The following SYT17 variants were observed in gnomAD, a reference collection of about 807,000 sequenced individuals.
SYT17 encodes the protein synaptotagmin 17.
A neutral mutation model predicts 46.7 loss-of-function variants in SYT17; 22 were observed. The ratio of observed to expected loss-of-function variants is 0.47; its 90% CI spans 0.34 to 0.67. SYT17 has a LOEUF of 0.67. SYT17 is among the 30% of genes least tolerant of loss of function. The probability of loss-of-function intolerance (pLI) is 0.01; values close to 1 mark genes in which losing one functional copy is unlikely to be tolerated. For synonymous variants in SYT17, 251 were observed against 248.4 expected, an observed-to-expected ratio of 1.01 and a Z score of -0.10; for missense variants, 519 against 612.8, an observed-to-expected ratio of 0.85 and a Z score of 1.62.
chr16:19,173,092 G>A (rs981096832), intron 2 of SYT17: 10 of 555,798 alleles, frequency 1.8e-5, no homozygotes, highest in African/African-American at 1.1e-4. Context: ...ATTGTGTTTC[G>A]AACATATCGT....
Position 19,200,153 on chromosome 16 carries a change from A to T in SYT17, c.951+16006A>T, listed in dbSNP as rs1389027992. Among the ~76,000 whole-genome samples, 3 of 152,362 alleles carry T rather than the reference A, an allele frequency of 2.0e-5. No individual in the cohort carries two copies. In the East Asian group the frequency reaches 5.8e-4, roughly 29 times the overall value. On this transcript the variant is annotated intron_variant, in intron 5 of 7. Transcript: ENST00000355377. ...AAAAGAGGTGAATCACCAAGGCCTC[A>T]GGTTAGCTCTGGGAATCTCTAGACT...
chr16:19,205,973 G>A (rs937186784), intron 5 of SYT17, among the ~76,000 whole-genome samples: 4 of 151,784 alleles, frequency 2.6e-5, no homozygotes, highest in African/African-American at 9.7e-5. Context: ...CATAATACAT[G>A]TTCAATAAAT....
chr16:19,212,802 T>C lies in SYT17; in HGVS notation c.952-10243T>C, dbSNP rs575845980. On this transcript the variant is annotated intron_variant, in intron 5 of 7. Coordinates refer to ENST00000355377, the MANE Select transcript of SYT17 (RefSeq NM_016524.4). Reference sequence around the variant, plus strand: ...GATCCTACCAGAACAAGCAATCCATTTTCCTTGGGAGGGCTGAACCCACTT... The same window carrying C: ...GATCCTACCAGAACAAGCAATCCATCTTCCTTGGGAGGGCTGAACCCACTT... Among the ~76,000 whole-genome samples the C allele has an allele frequency of 2.6e-5, 4 of 152,334 alleles. No homozygotes were observed. In the South Asian group the frequency reaches 8.3e-4, roughly 32 times the overall value.
intron 5 of SYT17, among the ~76,000 whole-genome samples, chr16:19,190,810 CATATT>C (rs1374292495): frequency 1.6e-5 from 2 of 123,032 alleles, no homozygotes; most frequent in Non-Finnish European, 3.4e-5. Flanking sequence ...GTGTGTGTGT[CATATT>C]TTGTTGATTC....
At chr16:19,261,370 G>T (rs1968961817) in intron 7 of SYT17, among the ~76,000 whole-genome samples, 1 of 152,190 alleles carries the variant, frequency 6.6e-6, no homozygotes, top group Non-Finnish European at 1.5e-5. Flanking sequence ...GATGGCCATG[G>T]CAGGAACTGC....
intron 5 of SYT17, among the ~76,000 whole-genome samples, chr16:19,214,668 A>G (rs1966025559): frequency 6.6e-6 from 1 of 152,212 alleles, no homozygotes; most frequent in Admixed American, 6.5e-5. Flanking sequence ...TCTGGGGCAG[A>G]GACCCTGAGT....
rs1206570626 is a variant in SYT17 at position 19,173,506 on chromosome 16, C to A, written c.110C>A (p.Ser37Tyr). The change falls in exon 3 of 8, where the codon TCC (serine) becomes TAC (tyrosine). Residue 37 changes from serine to tyrosine, a missense_variant. By Grantham distance (144) the Ser-to-Tyr change is moderately radical. Transcript: ENST00000355377. ...CACTGCTGTCAGAAGTGCTACGAGTCCAGCTGTTGCCAGTCAAGTGAGGAT... is the reference window on the plus strand; with the variant it reads ...CACTGCTGTCAGAAGTGCTACGAGTACAGCTGTTGCCAGTCAAGTGAGGAT... ...CRHCCQKCYE[S>Y]SCCQSSEDEV... The A allele has an allele frequency of 1.2e-6, 2 of 1,613,528 alleles. No individual in the cohort carries two copies. Among genetic ancestry groups the A allele is most frequent in the Admixed American group, 1.7e-5 (1 of 59,904 alleles).
At chr16:19,240,908 C>T (rs1026641670) in intron 7 of SYT17, among the ~76,000 whole-genome samples, 2 of 152,136 alleles carry the variant, frequency 1.3e-5, no homozygotes, top group Admixed American at 6.5e-5. Context: ...ATGTGCACAC[C>T]CGGCCAGGCT....
intron 7 of SYT17, among the ~76,000 whole-genome samples, chr16:19,254,657 A>G (rs956372664): frequency 6.6e-6 from 1 of 152,224 alleles, no homozygotes; most frequent in East Asian, 1.9e-4. Flanking sequence ...GAAATATTGT[A>G]ACTAGCTCTG....
In SYT17 at chr16:19,254,460, G is replaced by T. The variant is rs140192648; in HGVS notation, c.1229-12420G>T. Among the ~76,000 whole-genome samples, 140 of 152,218 alleles carry T rather than the reference G, an allele frequency of 9.2e-4. 2 individuals carry two copies. The highest frequency in any genetic ancestry group is 2.9e-3 in the African/African-American group (122 of 41,522). On this transcript the variant is annotated intron_variant, in intron 7 of 7. Coordinates refer to ENST00000355377, the MANE Select transcript of SYT17 (RefSeq NM_016524.4). ...AACCAATCAACAGAATCTCTTGGGGGTAAAGCTGGGCACTGACGGGGGAAG... is the reference window on the plus strand; with the variant it reads ...AACCAATCAACAGAATCTCTTGGGGTTAAAGCTGGGCACTGACGGGGGAAG...
intron 7 of SYT17, among the ~76,000 whole-genome samples, chr16:19,263,030 A>G (rs1969096276): frequency 7.5e-6 from 1 of 132,510 alleles, no homozygotes; most frequent in African/African-American, 2.9e-5. Context: ...ATAAGGAGTC[A>G]GATAATCTTT....
intron 7 of SYT17, among the ~76,000 whole-genome samples, chr16:19,231,393 T>C (rs944247799): frequency 6.6e-6 from 1 of 151,664 alleles, no homozygotes; most frequent in Non-Finnish European, 1.5e-5. Context: ...CAACATGGTG[T>C]AACCCCATTT....
intron 5 of SYT17, among the ~76,000 whole-genome samples, chr16:19,214,978 G>A (rs142006605): frequency 0.013 from 1,976 of 152,074 alleles, 71 homozygotes; most frequent in Admixed American, 0.073. Context: ...AGTAGAGACG[G>A]GGTTTCACCA....
In SYT17 at chr16:19,266,915, A is replaced by G; in HGVS notation, c.1264A>G (p.Ile422Val). The change falls in exon 8 of 8, where the codon ATC becomes GTC. Residue 422 changes from isoleucine (I) to valine (V), a missense_variant. Physicochemically the swap from Ile to Val is conservative, Grantham distance 29. Transcript: ENST00000355377. ...CAACATGAAGAGCAGCAATGACTTC[A>G]TCGGGAGGATCGTCATTGGCCAGTA... is the stretch of plus-strand genomic sequence containing the variant. ...GHNMKSSNDF[I>V]GRIVIGQYSS... The G allele has an allele frequency of 3.1e-6, 5 of 1,613,632 alleles. No individual in the cohort carries two copies. The highest frequency in any genetic ancestry group is 3.4e-6 in the Non-Finnish European group (4 of 1,179,996).
At chr16:19,211,163 C>G (rs1596958542) in intron 5 of SYT17, 2 of 419,330 alleles carry the variant, frequency 4.8e-6, no homozygotes, top group African/African-American at 4.1e-5. Flanking sequence ...GCGCATCGGG[C>G]TCTTACAAGA....
intron 5 of SYT17, among the ~76,000 whole-genome samples, chr16:19,195,469 A>G (rs1330612890): frequency 4.0e-5 from 6 of 150,170 alleles, no homozygotes; most frequent in Non-Finnish European, 8.8e-5. Flanking sequence ...TAATCCCACC[A>G]CTTTGAGAGG....
rs1210096510 is a variant in SYT17, at chr16:19,168,821, G to C, written c.15+160G>C. 1.3e-5 allele frequency among the ~76,000 whole-genome samples: 2 copies of C among 151,968 alleles called. No individual in the cohort carries two copies. Among genetic ancestry groups the C allele is most frequent in the African/African-American group, 4.8e-5 (2 of 41,398 alleles). On this transcript the variant is annotated intron_variant, in intron 1 of 7. Transcript: ENST00000355377. This position sits in a 1 kb window ranked among gnomAD's most constrained non-coding sequence, Gnocchi z 6.9. ...GCGGGCAACCTGTGCAGCAACAGGG[G>C]TGCGCCCCGGGAGGAGAGACTGGGG...
At chr16:19,236,696 G>A (rs1966853595) in intron 7 of SYT17, among the ~76,000 whole-genome samples, 1 of 152,202 alleles carries the variant, frequency 6.6e-6, no homozygotes, top group Non-Finnish European at 1.5e-5. Context: ...CAAACTCTGA[G>A]ACTCTAGTCA....
intron 7 of SYT17, among the ~76,000 whole-genome samples, chr16:19,241,458 G>C (rs1360732928): frequency 6.6e-6 from 1 of 152,144 alleles, no homozygotes; most frequent in Non-Finnish European, 1.5e-5. Flanking sequence ...TTTGGAAGAG[G>C]CAGGGCTCCC....
Sources: allele counts gnomAD v4.1 joint callset (sites outside exome capture counted in the v4.1 genomes callset), GRCh38; gene constraint gnomAD v4.1.1; non-coding constraint Gnocchi (gnomAD v3.1); transcripts MANE v1.5; gene names NCBI Gene and HGNC (gene_info 2026-07-23, HGNC 2026-07-21).